Variants in SGK3 observed in about 807,000 individuals in gnomAD.
SGK3 encodes serum/glucocorticoid regulated kinase family member 3.
A neutral mutation model predicts 68.5 loss-of-function variants in SGK3; 47 were observed. The observed-to-expected ratio is 0.69, with a 90% CI of 0.54 to 0.87. The LOEUF (loss-of-function observed/expected upper bound fraction) is 0.87. Ranked by LOEUF, SGK3 falls within the 40% of genes least tolerant of loss-of-function variation. The probability of loss-of-function intolerance (pLI) is 0.00; values close to 1 mark genes in which losing one functional copy is unlikely to be tolerated. For synonymous variants in SGK3, 181 were observed against 189.1 expected, an observed-to-expected ratio of 0.96 and a Z score of 0.35; for missense variants, 479 against 575.5, an observed-to-expected ratio of 0.83 and a Z score of 1.72.
At chr8:66,736,421 TA>T (rs1337948260) in intron 1 of SGK3, among the ~76,000 whole-genome samples, 1 of 152,122 alleles carries the variant, frequency 6.6e-6, no homozygotes, top group Non-Finnish European at 1.5e-5. Context: ...TTTATTTTTG[TA>T]ACAAAGTTGG....
At chr8:66,831,355 T>G in intron 8 of SGK3, 44 bp downstream of exon 8, 1 of 1,604,556 alleles carries the variant, frequency 6.2e-7, no homozygotes, top group South Asian at 1.1e-5. Context: ...TGGTTTTGGT[T>G]TTTTTTTTGG....
chr8:66,753,693 G>A (rs1254981843), intron 1 of SGK3, among the ~76,000 whole-genome samples: 1 of 152,022 alleles, frequency 6.6e-6, no homozygotes, highest in African/African-American at 2.4e-5. Flanking sequence ...GCGTGGTGGT[G>A]CCTGTATTCC....
chr8:66,856,822 G>A (rs991191713), intron 16 of SGK3, among the ~76,000 whole-genome samples: 2 of 152,128 alleles, frequency 1.3e-5, no homozygotes, highest in African/African-American at 4.8e-5. Context: ...TTTATATAAC[G>A]AATTACACAA....
Position 66,840,125 on chromosome 8 carries a change from TAA to T in SGK3, c.854+13_854+14del. On this transcript the variant is annotated intron_variant, in intron 11 of 16. Transcript: ENST00000521198. ...TCAAAATAGTATACAGGTACAATTT[TAA>T]AATATACTTGTAAAAATTGTATATA... The T allele has an allele frequency of 2.5e-6, 4 of 1,608,460 alleles. No individual in the cohort carries two copies. The highest frequency in any genetic ancestry group is 3.4e-6 in the Non-Finnish European group (4 of 1,178,090).
intron 14 of SGK3, 30 bp from the exon 15 acceptor site, chr8:66,847,163 T>C: frequency 6.3e-7 from 1 of 1,585,158 alleles, no homozygotes; most frequent in Non-Finnish European, 8.5e-7. Flanking sequence ...TGTTTACCAC[T>C]AAGTTTATTT....
intron 2 of SGK3, among the ~76,000 whole-genome samples, chr8:66,794,270 G>A (rs1303222443): frequency 6.6e-6 from 1 of 151,948 alleles, no homozygotes; most frequent in Non-Finnish European, 1.5e-5. Context: ...TAAAGGCTAA[G>A]CCATTTCTAA....
At chr8:66,855,887 T>G (rs1357574823) in intron 16 of SGK3, among the ~76,000 whole-genome samples, 1 of 152,234 alleles carries the variant, frequency 6.6e-6, no homozygotes, top group Non-Finnish European at 1.5e-5. Flanking sequence ...CTCAGTACTT[T>G]ACATGTATCC....
At position 66,802,379 on chromosome 8, in the gene SGK3, CTT is replaced by C. The variant is rs200513687; in HGVS notation, c.181-1992_181-1991del. Among the ~76,000 whole-genome samples the C allele has an allele frequency of 9.0e-3, 1,368 of 152,164 alleles. 21 individuals are homozygous for C. The highest frequency in any genetic ancestry group is 0.031 in the African/African-American group (1,299 of 41,504). On this transcript the variant is annotated intron_variant, in intron 3 of 16. Coordinates refer to ENST00000521198, the MANE Select transcript of SGK3 (RefSeq NM_001033578.3). The stretch of plus-strand genomic sequence containing the variant: ...CTTTATGACTAGTTTATATTTTAAA[CTT>C]TTTATTATAGAAATTGTCAAACACA...
chr8:66,766,022 C>CA (rs111349387), intron 1 of SGK3, among the ~76,000 whole-genome samples: 360 of 123,956 alleles, frequency 2.9e-3, no homozygotes, highest in Middle Eastern at 4.5e-3. Flanking sequence ...AATACTCCGT[C>CA]AAAAAAAAAA....
intron 1 of SGK3, among the ~76,000 whole-genome samples, chr8:66,722,638 G>A (rs188544380): frequency 3.9e-5 from 6 of 152,304 alleles, no homozygotes; most frequent in East Asian, 1.9e-4. Context: ...GCTTAGACGC[G>A]AAAGTGCTAT....
intron 1 of SGK3, among the ~76,000 whole-genome samples, chr8:66,726,595 T>A (rs1224918880): frequency 6.6e-6 from 1 of 152,122 alleles, no homozygotes; most frequent in Non-Finnish European, 1.5e-5. Flanking sequence ...GAAAGCTGAT[T>A]AAAATGTTTT....
At chr8:66,801,854 G>C (rs1327886005) in intron 3 of SGK3, among the ~76,000 whole-genome samples, 1 of 152,178 alleles carries the variant, frequency 6.6e-6, no homozygotes, top group Non-Finnish European at 1.5e-5. Context: ...CCGGTAGTGT[G>C]TGTTCATGAT....
At chr8:66,813,594 GAA>G (rs1041532876) in intron 4 of SGK3, among the ~76,000 whole-genome samples, 3 of 150,702 alleles carry the variant, frequency 2.0e-5, no homozygotes, top group Non-Finnish European at 4.4e-5. Flanking sequence ...GCAGTTTTGA[GAA>G]CTTTCTTTTT....
chr8:66,789,986 G>C (rs891265249), intron 1 of SGK3, among the ~76,000 whole-genome samples: 1 of 152,106 alleles, frequency 6.6e-6, no homozygotes, highest in Non-Finnish European at 1.5e-5. Flanking sequence ...GCTGAGGTGA[G>C]AGGATTGCTT....
At chr8:66,846,568 C>T (rs1810027216) in intron 14 of SGK3, among the ~76,000 whole-genome samples, 1 of 152,142 alleles carries the variant, frequency 6.6e-6, no homozygotes, top group South Asian at 2.1e-4. Flanking sequence ...CCCACCTCAG[C>T]CCCCCAAAGT....
chr8:66,856,477 C>T (rs1008395337), intron 16 of SGK3, among the ~76,000 whole-genome samples: 2 of 152,180 alleles, frequency 1.3e-5, no homozygotes, highest in Non-Finnish European at 2.9e-5. Flanking sequence ...TTTGGATTTA[C>T]TTACTGATTG....
chr8:66,775,780 T>A (rs1404985455), intron 1 of SGK3: 1 of 152,182 alleles, frequency 6.6e-6, no homozygotes, highest in Non-Finnish European at 1.5e-5. Context: ...ACGGGACTGT[T>A]ACTTAAACAT....
chr8:66,809,833 C>T (rs1808308333), intron 4 of SGK3, among the ~76,000 whole-genome samples: 1 of 152,188 alleles, frequency 6.6e-6, no homozygotes. Flanking sequence ...GAAGGATCTG[C>T]TTCTAAGATG....
chr8:66,743,525 A>G (rs1242718311), intron 1 of SGK3, among the ~76,000 whole-genome samples: 1 of 152,104 alleles, frequency 6.6e-6, no homozygotes, highest in Non-Finnish European at 1.5e-5. Context: ...GTTAAGTGCT[A>G]ATGTTATTTT....
Sources: gnomAD v4.1 joint callset for allele counts (sites outside exome capture counted in the v4.1 genomes callset) on GRCh38, gnomAD v4.1.1 for gene constraint, MANE v1.5 for transcripts, NCBI Gene and HGNC (gene_info 2026-07-23, HGNC 2026-07-21) for gene names.